Variants in ERICH5 observed in about 807,000 individuals in gnomAD.
The protein encoded by ERICH5 is glutamate rich 5, also known as glutamate-rich protein 5.
A neutral mutation model predicts 28.0 loss-of-function variants in ERICH5; 24 were observed. That is an observed-to-expected ratio of 0.86 (90% CI 0.62 to 1.21). ERICH5 has a LOEUF of 1.21. Ranked by LOEUF, ERICH5 falls within the 50% of genes most tolerant of loss-of-function variation. The pLI, the probability that ERICH5 is intolerant of heterozygous loss-of-function variation, is 0.00. For missense variants in ERICH5, 421 were observed against 441.2 expected (o/e 0.95, Z 0.41); for synonymous variants, 163 against 157.6 (o/e 1.03, Z -0.25).
chr8:98,080,304 G>T (rs1172843162), intron 1 of ERICH5, among the ~76,000 whole-genome samples: 5 of 152,208 alleles, frequency 3.3e-5, no homozygotes, highest in African/African-American at 1.2e-4. Context: ...GAACTAACTT[G>T]TCCAGATTGC....
intron 2 of ERICH5, among the ~76,000 whole-genome samples, chr8:98,091,993 C>CCCTCCCTTCCTTCCTTCCTTCCTT (rs1815416999): frequency 7.3e-5 from 4 of 55,022 alleles, no homozygotes; most frequent in African/African-American, 2.8e-4. Context: ...TCTCTCTCTC[C>CCCTCCCTTCCTTCCTTCCTTCCTT]CCTTCCTTCC....
At chr8:98,077,564 T>G (rs1815080171) in intron 1 of ERICH5, among the ~76,000 whole-genome samples, 1 of 152,178 alleles carries the variant, frequency 6.6e-6, no homozygotes, top group African/African-American at 2.4e-5. Flanking sequence ...GAAAAGTATA[T>G]CTGAAGGAAA....
chr8:98,076,877 T>C lies in ERICH5; in HGVS notation c.58+12150T>C, dbSNP rs73280033. The stretch of plus-strand genomic sequence containing the variant: ...AGGCTCTGGGACCGCAATTTGCTTT[T>C]AAAAGCAGCTAAATCTTCAAAGTGG... On this transcript the variant is annotated intron_variant, in intron 1 of 2. Coordinates refer to ENST00000318528, the MANE Select transcript of ERICH5 (RefSeq NM_173549.3). Among the ~76,000 whole-genome samples the C allele has an allele frequency of 9.8e-3, 1,495 of 152,260 alleles. 24 individuals are homozygous for C. Among genetic ancestry groups the C allele is most frequent in the African/African-American group, 0.034 (1,411 of 41,526 alleles).
At chr8:98,092,347 G>A (rs1478600787) in intron 2 of ERICH5, among the ~76,000 whole-genome samples, 1 of 152,000 alleles carries the variant, frequency 6.6e-6, no homozygotes, top group Non-Finnish European at 1.5e-5. Context: ...ATTTTTTGTA[G>A]AAACAAGGTT....
At chr8:98,079,891 A>G (rs1815144077) in intron 1 of ERICH5, among the ~76,000 whole-genome samples, 1 of 152,222 alleles carries the variant, frequency 6.6e-6, no homozygotes, top group Non-Finnish European at 1.5e-5. Flanking sequence ...CATGATAACA[A>G]TACAACTTTG....
Position 98,093,410 on chromosome 8 carries a change from A to G in ERICH5, c.*77A>G, listed in dbSNP as rs1815445042. The stretch of plus-strand genomic sequence containing the variant: ...AGTGAAGCTTGTGGTTATGTATCTT[A>G]TCTTTCTACATTTACATGTTTTCTG... On this transcript the variant is annotated 3_prime_UTR_variant, in exon 3 of 3. Transcript: ENST00000318528. 2 of 902,478 alleles carry G rather than the reference A, an allele frequency of 2.2e-6. No individual in the cohort carries two copies. The highest frequency in any genetic ancestry group is 1.7e-5 in the African/African-American group (1 of 59,982). 55.9% of individuals were successfully genotyped at this position (902,478 alleles called of 1,614,324 possible). A position where few individuals can be genotyped will look rare whatever the true frequency, so the allele number is the denominator to read the frequency against.
chr8:98,073,051 G>A (rs1268103619), intron 1 of ERICH5, among the ~76,000 whole-genome samples: 1 of 151,988 alleles, frequency 6.6e-6, no homozygotes, highest in Non-Finnish European at 1.5e-5. Context: ...ATTAATGTAT[G>A]GGTATGAAGT....
intron 1 of ERICH5, among the ~76,000 whole-genome samples, chr8:98,065,855 T>C (rs1344291143): frequency 1.3e-5 from 2 of 152,228 alleles, no homozygotes; most frequent in African/African-American, 4.8e-5. Flanking sequence ...AATGTCTTCC[T>C]CTGATGTTGT....
chr8:98,092,797 A>T lies in ERICH5; in HGVS notation c.1013-424A>T, dbSNP rs182312711. Among the ~76,000 whole-genome samples, 3 of 143,968 alleles carry T rather than the reference A, an allele frequency of 2.1e-5. No homozygotes were observed. In the East Asian group the frequency reaches 6.0e-4, roughly 29 times the overall value. The allele number at this position is 143,968 out of a possible 152,430, so 94.4% of individuals were successfully genotyped here. On this transcript the variant is annotated intron_variant, in intron 2 of 2. Transcript: ENST00000318528. ...TTTTCCTTTTTTTTTTTTTTTTGAG[A>T]CAGAGTCTCGTTCTGTCGCCCAGAC...
chr8:98,089,266 C>G lies in ERICH5; in HGVS notation c.249C>G (p.Pro83=). ...GTGTTAAACCCCTCCAAGAACAGCC[C>G]CTGGCCAAGGACGTAGCCCCTGGAA... ...ANGVKPLQEQ[P]LAKDVAPGRD... Residue 83 remains proline (P), a synonymous_variant, in exon 2 of 3, where the codon CCC becomes CCG. Transcript: ENST00000318528. The G allele has an allele frequency of 1.9e-6, 3 of 1,614,190 alleles. No homozygotes were observed. The highest frequency in any genetic ancestry group is 2.5e-6 in the Non-Finnish European group (3 of 1,180,040).
At position 98,089,163 on chromosome 8, in the gene ERICH5, C is replaced by T. The variant is rs771183715; in HGVS notation, c.146C>T (p.Thr49Ile). 3 of 1,614,236 alleles carry T rather than the reference C, an allele frequency of 1.9e-6. No individual in the cohort carries two copies. In the Admixed American group the frequency reaches 5.0e-5, roughly 27 times the overall value. Residue 49 changes from threonine (T) to isoleucine (I), a missense_variant, in exon 2 of 3, where the codon ACT (threonine) becomes ATT (isoleucine). Physicochemically the swap from Thr to Ile is moderately conservative, Grantham distance 89. Coordinates refer to ENST00000318528, the MANE Select transcript of ERICH5 (RefSeq NM_173549.3). The stretch of plus-strand genomic sequence containing the variant: ...CCACATGCACTGGGAAGAGAATCTA[C>T]TGTTGATGGCAATGTACAAAGGGAA... ...PKPHALGRES[T>I]VDGNVQRESR...
At chr8:98,066,553 C>T (rs1361254635) in intron 1 of ERICH5, among the ~76,000 whole-genome samples, 2 of 152,304 alleles carry the variant, frequency 1.3e-5, no homozygotes, top group Middle Eastern at 3.4e-3. Context: ...AACTATTCCA[C>T]GTGAGTTACA....
chr8:98,079,729 G>T (rs1417756530), intron 1 of ERICH5, among the ~76,000 whole-genome samples: 1 of 152,020 alleles, frequency 6.6e-6, no homozygotes, highest in African/African-American at 2.4e-5. Flanking sequence ...TAGTAGAGAC[G>T]GGGTTTCACC....
At chr8:98,067,898 G>C (rs561515866) in intron 1 of ERICH5, among the ~76,000 whole-genome samples, 3 of 151,836 alleles carry the variant, frequency 2.0e-5, no homozygotes, top group African/African-American at 4.8e-5. Flanking sequence ...GCCACCACGC[G>C]TGGCCTATAC....
intron 1 of ERICH5, 111 bp from the exon 2 acceptor site, chr8:98,088,965 T>G: frequency 1.3e-6 from 1 of 764,774 alleles, no homozygotes. Flanking sequence ...TATTTGGAAC[T>G]GTCTTGAACT....
chr8:98,064,787 C>T, intron 1 of ERICH5, 60 bp downstream of exon 1: 1 of 1,427,654 alleles, frequency 7.0e-7, no homozygotes, highest in Non-Finnish European at 9.5e-7. Flanking sequence ...GCTAACTCCC[C>T]AGGAGGTCCA....
intron 2 of ERICH5, among the ~76,000 whole-genome samples, 181 bp from the exon 3 acceptor site, chr8:98,093,040 T>A (rs1297504729): frequency 1.3e-5 from 2 of 152,156 alleles, no homozygotes; most frequent in African/African-American, 4.8e-5. Context: ...TCCCAATGTG[T>A]TGGATTACAG....
chr8:98,070,325 T>G (rs1302103791), intron 1 of ERICH5, among the ~76,000 whole-genome samples: 1 of 151,920 alleles, frequency 6.6e-6, no homozygotes, highest in African/African-American at 2.4e-5. Context: ...ACCACTGTAC[T>G]CCAGCCTGGG....
intron 1 of ERICH5, among the ~76,000 whole-genome samples, chr8:98,086,738 C>T (rs1447840572): frequency 6.6e-6 from 1 of 152,040 alleles, no homozygotes; most frequent in Admixed American, 6.5e-5. Flanking sequence ...ATCACGAGGT[C>T]ATGAGATCGA....
Sources: gnomAD v4.1 joint callset for allele counts (sites outside exome capture counted in the v4.1 genomes callset) on GRCh38, gnomAD v4.1.1 for gene constraint, MANE v1.5 for transcripts, NCBI Gene and HGNC (gene_info 2026-07-23, HGNC 2026-07-21) for gene names.